DSCAM: variants seen among roughly 807,000 people sequenced by gnomAD.
DSCAM encodes DS cell adhesion molecule.
In DSCAM, 47 loss-of-function variants were observed where a neutral mutation model predicts 217.7. That is an observed-to-expected ratio of 0.22 (90% CI 0.17 to 0.28). DSCAM has a LOEUF of 0.28. Ranked by LOEUF, DSCAM falls within the 10% of genes least tolerant of loss-of-function variation. The pLI is 1.00. For missense variants in DSCAM, 2,080 were observed against 2,618.3 expected (o/e 0.79, Z 4.49); for synonymous variants, 1,056 against 1,015.3 (o/e 1.04, Z -0.76).
chr21:40,594,427 A>T (rs1360664052), intron 3 of DSCAM, among the ~76,000 whole-genome samples: 2 of 152,218 alleles, frequency 1.3e-5, no homozygotes, highest in African/African-American at 4.8e-5. Flanking sequence ...TCGTTTCAGG[A>T]ATATGACCTT....
rs750009971 is a variant in DSCAM, at chr21:40,347,916, T to G, written c.964A>C (p.Lys322Gln). Residue 322 changes from lysine to glutamine, a missense_variant, in exon 6 of 33, where the codon AAG (lysine) becomes CAG (glutamine). This residue lies in a region of DSCAM where 568 missense variants were observed against 678.1 expected (regional missense o/e 0.84). Transcript: ENST00000400454. ...TGGCTACCCACGCTGCTTTTAACCT[T>G]CCTGGGACTGATGGTGGCTTTCAGT... is the stretch of plus-strand genomic sequence containing the variant. Reference protein sequence around the residue: ...QPLKATISPRKVKSSVGSQVS... With the variant: ...QPLKATISPRQVKSSVGSQVS... The G allele has an allele frequency of 2.0e-5, 32 of 1,613,420 alleles. No homozygotes were observed. Among genetic ancestry groups the G allele is most frequent in the Non-Finnish European group, 2.7e-5 (32 of 1,179,502 alleles).
intron 16 of DSCAM, among the ~76,000 whole-genome samples, chr21:40,160,135 G>A (rs1280427333): frequency 6.6e-6 from 1 of 152,062 alleles, no homozygotes; most frequent in Non-Finnish European, 1.5e-5. Context: ...GCACTGGGAG[G>A]TGAGGAGAGA....
At chr21:40,582,070 T>C (rs1275288743) in intron 3 of DSCAM, among the ~76,000 whole-genome samples, 1 of 152,186 alleles carries the variant, frequency 6.6e-6, no homozygotes, top group Admixed American at 6.5e-5. Context: ...TTCTGCAGTT[T>C]AGGATTATGG....
chr21:40,563,452 T>C (rs1278187252), intron 3 of DSCAM, among the ~76,000 whole-genome samples: 3 of 147,718 alleles, frequency 2.0e-5, no homozygotes, highest in African/African-American at 7.3e-5. Context: ...ATACTATCTA[T>C]ATTTTGAAAT....
intron 20 of DSCAM, among the ~76,000 whole-genome samples, chr21:40,103,721 T>C (rs1784316645): frequency 6.6e-6 from 1 of 151,426 alleles, no homozygotes; most frequent in African/African-American, 2.4e-5. Flanking sequence ...ATAGACTATG[T>C]ATATAACTAT....
At chr21:40,524,985 G>A (rs1002303449) in intron 3 of DSCAM, among the ~76,000 whole-genome samples, 1 of 136,550 alleles carries the variant, frequency 7.3e-6, no homozygotes, top group Non-Finnish European at 1.5e-5. Context: ...ATTCCAGCCT[G>A]GGCAACAGAG....
At chr21:40,599,975 A>C (rs2077050228) in intron 3 of DSCAM, among the ~76,000 whole-genome samples, 3 of 152,168 alleles carry the variant, frequency 2.0e-5, no homozygotes. Context: ...TAGCCTACCA[A>C]CCAAAAAAAG....
intron 3 of DSCAM, among the ~76,000 whole-genome samples, chr21:40,680,342 GAAACTGCAGT>G (rs941218974): frequency 2.0e-5 from 3 of 152,120 alleles, no homozygotes; most frequent in African/African-American, 7.2e-5. Flanking sequence ...CACTTGGCCT[GAAACTGCAGT>G]TATGGCACTC....
intron 6 of DSCAM, among the ~76,000 whole-genome samples, chr21:40,340,199 T>C (rs2074476413): frequency 6.6e-6 from 1 of 152,172 alleles, no homozygotes; most frequent in African/African-American, 2.4e-5. Context: ...CTTTTGAGGC[T>C]GAAACAGAAA....
chr21:40,742,069 T>G (rs1601198973), intron 1 of DSCAM, among the ~76,000 whole-genome samples: 1 of 152,152 alleles, frequency 6.6e-6, no homozygotes. Context: ...CCTTCGTATC[T>G]TTATGTACAA....
chr21:40,283,996 T>G (rs2073795749), intron 10 of DSCAM, among the ~76,000 whole-genome samples: 1 of 152,172 alleles, frequency 6.6e-6, no homozygotes, highest in African/African-American at 2.4e-5. Context: ...ACACAATCCC[T>G]TTCATCCTTA....
chr21:40,797,989 A>G (rs2091706688), intron 1 of DSCAM, among the ~76,000 whole-genome samples: 1 of 151,842 alleles, frequency 6.6e-6, no homozygotes, highest in African/African-American at 2.4e-5. Context: ...TACTTTTTTT[A>G]GGTATTTAAC....
chr21:40,502,244 A>C (rs987263606), intron 3 of DSCAM, among the ~76,000 whole-genome samples: 1 of 152,206 alleles, frequency 6.6e-6, no homozygotes, highest in African/African-American at 2.4e-5. Flanking sequence ...ATACATTTTT[A>C]TTGACACTAA....
chr21:40,047,348 G>A (rs184757738), intron 30 of DSCAM, among the ~76,000 whole-genome samples: 1 of 152,222 alleles, frequency 6.6e-6, no homozygotes, highest in East Asian at 1.9e-4. Context: ...GCAAATAAAC[G>A]CTGGGATTTA....
At chr21:40,267,618 C>A (rs568836630) in intron 11 of DSCAM, among the ~76,000 whole-genome samples, 6 of 152,116 alleles carry the variant, frequency 3.9e-5, no homozygotes, top group Non-Finnish European at 5.9e-5. Flanking sequence ...GATTATGGGC[C>A]GGGTGTGGTG....
chr21:40,183,012 A>G (rs9979102), intron 14 of DSCAM, among the ~76,000 whole-genome samples: 8 of 3,954 alleles, frequency 2.0e-3, no homozygotes, highest in East Asian at 9.3e-3. Context: ...CCGTGGACAG[A>G]ACGGGCCACC....
At chr21:40,311,887 C>A (rs1266128756) in intron 9 of DSCAM, among the ~76,000 whole-genome samples, 194 bp downstream of exon 9, 1 of 145,788 alleles carries the variant, frequency 6.9e-6, no homozygotes, top group South Asian at 2.2e-4. Context: ...GTAAATAAAA[C>A]CTTATCTTGG....
intron 1 of DSCAM, among the ~76,000 whole-genome samples, chr21:40,725,851 A>G: frequency 6.6e-6 from 1 of 152,190 alleles, no homozygotes; most frequent in Non-Finnish European, 1.5e-5. Context: ...TTCCATACTC[A>G]AAGTATCAAA....
chr21:40,717,261 A>G (rs2090852024), intron 1 of DSCAM, among the ~76,000 whole-genome samples: 1 of 152,252 alleles, frequency 6.6e-6, no homozygotes, highest in South Asian at 2.1e-4. Context: ...TTATAAAGTC[A>G]AGATTGTAAA....
Sources: gnomAD v4.1 joint callset for allele counts (sites outside exome capture counted in the v4.1 genomes callset) on GRCh38, gnomAD v4.1.1 for gene constraint, gnomAD v4.1.1 regional missense constraint, MANE v1.5 for transcripts, NCBI Gene and HGNC (gene_info 2026-07-23, HGNC 2026-07-21) for gene names.